Variants in CCDC7 observed in about 807,000 individuals in gnomAD.
CCDC7 encodes the protein coiled-coil domain-containing protein 7.
Under a neutral mutation model 196.9 loss-of-function variants are expected in CCDC7, and 183 were observed. That is an observed-to-expected ratio of 0.93 (90% CI 0.82 to 1.05). The LOEUF is 1.05. Ranked by LOEUF, CCDC7 falls within the 50% of genes least tolerant of loss-of-function variation. The pLI is 0.00. For missense variants in CCDC7, 1,540 were observed against 1,482.2 expected (o/e 1.04, Z -0.64); for synonymous variants, 525 against 484.6 (o/e 1.08, Z -1.10).
rs28451324 is a variant in CCDC7 at position 32,511,261 on chromosome 10, C to G, written c.873-6684C>G. The G allele has an allele frequency of 4.1e-3, 1,559 of 381,352 alleles. 30 individuals are homozygous for G. Among genetic ancestry groups the G allele is most frequent in the African/African-American group, 0.025 (504 of 19,930 alleles). 23.6% of individuals were successfully genotyped at this position (381,352 alleles called of 1,614,324 possible). On this transcript the variant is annotated intron_variant, in intron 9 of 41. Coordinates refer to ENST00000639629, the Ensembl canonical transcript of CCDC7. Reference sequence around the variant, plus strand: ...TGCCACAGAATTATTCTGTGGGGGGCGGGGGGGGCGGGGAAATGTACTTTT... The same window carrying G: ...TGCCACAGAATTATTCTGTGGGGGGGGGGGGGGGCGGGGAAATGTACTTTT...
chr10:32,626,175 A>G (rs1363671838), intron 18 of CCDC7, among the ~76,000 whole-genome samples: 1 of 152,112 alleles, frequency 6.6e-6, no homozygotes, highest in African/African-American at 2.4e-5. Flanking sequence ...ACTAGTTTAC[A>G]TTCCTGCTAA....
intron 21 of CCDC7, among the ~76,000 whole-genome samples, chr10:32,681,003 C>CTGA (rs1219784760): frequency 6.6e-6 from 1 of 152,140 alleles, no homozygotes; most frequent in African/African-American, 2.4e-5. Flanking sequence ...AGTGAGCACC[C>CTGA]CTTGGTTACT....
At chr10:32,497,261 G>A (rs112850614) in intron 9 of CCDC7, among the ~76,000 whole-genome samples, 6,481 of 151,988 alleles carry the variant, frequency 0.043, 462 homozygotes, top group African/African-American at 0.15. Context: ...TTTTTATTGC[G>A]TCTGTTTGAT....
At chr10:32,713,905 T>C (rs1437484242) in intron 25 of CCDC7, among the ~76,000 whole-genome samples, 3 of 152,172 alleles carry the variant, frequency 2.0e-5, no homozygotes, top group Non-Finnish European at 1.5e-5. Context: ...TAGGAGGAGG[T>C]TTGATAACCA....
At chr10:32,873,810 T>G (rs1427683503) in intron 41 of CCDC7, among the ~76,000 whole-genome samples, 2 of 151,908 alleles carry the variant, frequency 1.3e-5, no homozygotes, top group African/African-American at 2.4e-5. Context: ...CCACACTACT[T>G]TTTAAAGTGG....
At chr10:32,766,796 A>G (rs995586606) in intron 28 of CCDC7, among the ~76,000 whole-genome samples, 1 of 152,016 alleles carries the variant, frequency 6.6e-6, no homozygotes, top group African/African-American at 2.4e-5. Context: ...AGTAAAATAT[A>G]TGATGTGGCC....
At chr10:32,558,195 A>G (rs1381660289) in intron 13 of CCDC7, among the ~76,000 whole-genome samples, 1 of 152,112 alleles carries the variant, frequency 6.6e-6, no homozygotes. Flanking sequence ...AATGTCAAGT[A>G]TTTCTAAATT....
chr10:32,664,363 A>G (rs905135254), intron 21 of CCDC7, among the ~76,000 whole-genome samples: 3 of 152,156 alleles, frequency 2.0e-5, no homozygotes, highest in Non-Finnish European at 2.9e-5. Context: ...ATTTTTTTAT[A>G]TTGAGAAGAC....
chr10:32,468,993 A>G (rs908985590), intron 5 of CCDC7, among the ~76,000 whole-genome samples: 10 of 152,246 alleles, frequency 6.6e-5, no homozygotes, highest in Non-Finnish European at 1.5e-4. Context: ...AGTAGCCTGT[A>G]CACTTCAGAA....
chr10:32,821,462 G>A (rs1203357813), intron 31 of CCDC7, among the ~76,000 whole-genome samples: 1 of 152,072 alleles, frequency 6.6e-6, no homozygotes. Flanking sequence ...CCATTACTGG[G>A]TATATACCCA....
In CCDC7 at chr10:32,790,876, A is replaced by G. The variant is rs543174346; in HGVS notation, c.3013+11792A>G. 1.4e-3 allele frequency among the ~76,000 whole-genome samples: 218 copies of G among 152,266 alleles called. 1 individual carries two copies. Among genetic ancestry groups the G allele is most frequent in the African/African-American group, 5.0e-3 (207 of 41,546 alleles). ...TACTTCAGTAGTTTTGCAAGACACT[A>G]AGCACAGGACCCCAATTTTACAGCC... On this transcript the variant is annotated intron_variant, in intron 29 of 41. Coordinates refer to ENST00000639629, the Ensembl canonical transcript of CCDC7.
At chr10:32,667,813 G>A (rs3003969) in intron 21 of CCDC7, among the ~76,000 whole-genome samples, 52,040 of 151,944 alleles carry the variant, frequency 0.34, 11,315 homozygotes, top group Non-Finnish European at 0.49. Flanking sequence ...GATGCCTCCA[G>A]CTTTGTTCTT....
At chr10:32,664,137 T>A in exon 21 of CCDC7, 1 of 396,310 alleles carries the variant, frequency 2.5e-6, no homozygotes, top group Non-Finnish European at 4.5e-6. Flanking sequence ...GAAACAAAAA[T>A]CTTTCCAAGA....
intron 13 of CCDC7, among the ~76,000 whole-genome samples, chr10:32,549,688 T>A (rs1182138408): frequency 6.6e-6 from 1 of 152,214 alleles, no homozygotes; most frequent in Non-Finnish European, 1.5e-5. Context: ...CCCCACTTTA[T>A]GTTTTTGTTT....
intron 14 of CCDC7, among the ~76,000 whole-genome samples, chr10:32,566,975 A>T (rs867646374): frequency 8.0e-6 from 1 of 124,684 alleles, no homozygotes; most frequent in Non-Finnish European, 1.6e-5. Flanking sequence ...ATATATAAAT[A>T]TATAACATAT....
At chr10:32,837,106 GCAA>G (rs1173542501) in intron 33 of CCDC7, among the ~76,000 whole-genome samples, 8 of 152,102 alleles carry the variant, frequency 5.3e-5, no homozygotes. Context: ...CTTCTGCACA[GCAA>G]AAGAAACTAC....
rs889616723 is a variant in CCDC7 at position 32,500,802 on chromosome 10, C to T, written c.872+8805C>T. On this transcript the variant is annotated intron_variant, in intron 9 of 41. Coordinates refer to ENST00000639629, the Ensembl canonical transcript of CCDC7. ...GACTCCGTCTGCAATCCTGGCACCT[C>T]GGGAGGCCGAGGCAGGCAGATCACT... 4.6e-5 allele frequency among the ~76,000 whole-genome samples: 7 copies of T among 152,302 alleles called. No homozygotes were observed. In the South Asian group the frequency reaches 6.2e-4, roughly 14 times the overall value.
intron 18 of CCDC7, among the ~76,000 whole-genome samples, chr10:32,612,362 C>A (rs2062248057): frequency 3.3e-5 from 5 of 152,068 alleles, no homozygotes; most frequent in Non-Finnish European, 7.3e-5. Flanking sequence ...ATGTCATCTG[C>A]AACAGAGAGA....
At chr10:32,836,440 T>A (rs952144934) in intron 33 of CCDC7, among the ~76,000 whole-genome samples, 1 of 152,190 alleles carries the variant, frequency 6.6e-6, no homozygotes, top group Non-Finnish European at 1.5e-5. Flanking sequence ...TAGTTCTAGA[T>A]CCTTGAGGAA....
Sources: allele counts gnomAD v4.1 joint callset (sites outside exome capture counted in the v4.1 genomes callset), GRCh38; gene constraint gnomAD v4.1.1; transcripts MANE v1.5; gene names NCBI Gene and HGNC (gene_info 2026-07-23, HGNC 2026-07-21).